Variants in TESC observed in about 807,000 individuals in gnomAD.
The protein encoded by TESC is tescalcin, also known as calcineurin B homologous protein 3.
A neutral mutation model predicts 31.0 loss-of-function variants in TESC; 19 were observed. The observed-to-expected ratio is 0.61, with a 90% CI of 0.43 to 0.90. The LOEUF (loss-of-function observed/expected upper bound fraction) is 0.90, where lower values mean the gene tolerates loss of function less well. Among genes scored for constraint, TESC ranks in the 40% least tolerant of loss-of-function variants. The pLI is 0.00. For missense variants in TESC, 248 were observed against 303.8 expected (o/e 0.82, Z 1.36); for synonymous variants, 109 against 114.8 (o/e 0.95, Z 0.32).
rs184672450 is a variant in TESC at position 117,039,057 on chromosome 12, G to A, written c.*76C>T. 93 of 1,531,412 alleles carry A rather than the reference G, an allele frequency of 6.1e-5. 1 individual carries two copies. Among genetic ancestry groups the A allele is most frequent in the South Asian group, 2.6e-4 (22 of 85,216 alleles). The allele number at this position is 1,531,412 out of a possible 1,614,324, so 94.9% of individuals were successfully genotyped here. A position where few individuals can be genotyped will look rare whatever the true frequency, so the allele number is the denominator to read the frequency against. ...GCGCTGCAGGAAGAGGCTGTCCGCC[G>A]GGCCTGGGCTGCTCCAGCTACGCGG... On this transcript the variant is annotated 3_prime_UTR_variant, in exon 8 of 8. Coordinates refer to ENST00000335209, the MANE Select transcript of TESC (RefSeq NM_017899.4).
chr12:117,055,774 T>C (rs1954714112), intron 3 of TESC, among the ~76,000 whole-genome samples: 1 of 152,212 alleles, frequency 6.6e-6, no homozygotes, highest in South Asian at 2.1e-4. Flanking sequence ...GGTTGAGCCA[T>C]GAGGCAAGAC....
rs377393815 is a variant in TESC at position 117,056,912 on chromosome 12, G to A, written c.129-26C>T. 9.1e-5 allele frequency: 146 copies of A among 1,610,962 alleles called. No individual in the cohort carries two copies. In the African/African-American group the frequency reaches 1.5e-3, roughly 16 times the overall value. ...CTGGTTTCCAAGAAGGAGAGATACC[G>A]GGAAGAGAATAAGGAAAGATAGCAG... On this transcript the variant is annotated intron_variant, in intron 2 of 7. Transcript: ENST00000335209.
intron 2 of TESC, among the ~76,000 whole-genome samples, chr12:117,073,655 G>A (rs774185562): frequency 2.0e-5 from 3 of 152,196 alleles, no homozygotes; most frequent in Non-Finnish European, 4.4e-5. Flanking sequence ...CCAACAAGCT[G>A]TAACCTTGAG....
chr12:117,040,243 C>T (rs117453822), intron 7 of TESC, among the ~76,000 whole-genome samples: 2 of 152,270 alleles, frequency 1.3e-5, no homozygotes, highest in South Asian at 2.1e-4. Context: ...TGGTCCCAGT[C>T]GAGCGGCCCC....
At chr12:117,065,293 G>C (rs1410648582) in intron 2 of TESC, among the ~76,000 whole-genome samples, 2 of 152,166 alleles carry the variant, frequency 1.3e-5, no homozygotes, top group Non-Finnish European at 2.9e-5. Flanking sequence ...GGCAGGGGCT[G>C]GGGGAGCAGA....
At position 117,081,829 on chromosome 12, in the gene TESC, G is replaced by A. The variant is rs369049378; in HGVS notation, c.59-6489C>T. On this transcript the variant is annotated intron_variant, in intron 1 of 7. Coordinates refer to ENST00000335209, the MANE Select transcript of TESC (RefSeq NM_017899.4). ...TGAGGCAGGAGAATCACTTGAACCT[G>A]GGAGGTGGAGGTTGCAGCGAGCCGA... 2.0e-5 allele frequency among the ~76,000 whole-genome samples: 3 copies of A among 152,050 alleles called. No homozygotes were observed. The East Asian group carries it at 5.8e-4, about 29-fold the overall frequency.
Position 117,099,275 on chromosome 12 carries a change from G to C in TESC, c.8C>G (p.Ala3Gly). MG[A>G]AHSASEEVRE... ...CACCTCCTCAGACGCGGAGTGGGCAGCGCCCATGGTGCCCGCGGCGGGGGC... is the reference window on the plus strand; with the variant it reads ...CACCTCCTCAGACGCGGAGTGGGCACCGCCCATGGTGCCCGCGGCGGGGGC... Residue 3 changes from alanine (A) to glycine (G), a missense_variant, in exon 1 of 8, where the codon GCT becomes GGT. Ala to Gly is a moderately conservative substitution (Grantham distance 60). Transcript: ENST00000335209. 1 of 1,452,196 alleles carries C rather than the reference G, an allele frequency of 6.9e-7. No individual in the cohort carries two copies. Among genetic ancestry groups the C allele is most frequent in the Non-Finnish European group, 9.0e-7 (1 of 1,109,090 alleles). The allele number at this position is 1,452,196 out of a possible 1,614,324, so 90.0% of individuals were successfully genotyped here.
chr12:117,077,930 T>C (rs1052243752), intron 1 of TESC, among the ~76,000 whole-genome samples: 1 of 152,100 alleles, frequency 6.6e-6, no homozygotes, highest in African/African-American at 2.4e-5. Context: ...CTGTTCTGGA[T>C]ATGCACTATA....
intron 2 of TESC, among the ~76,000 whole-genome samples, chr12:117,062,806 C>T (rs987394654): frequency 3.9e-5 from 6 of 152,214 alleles, no homozygotes; most frequent in Admixed American, 2.0e-4. Flanking sequence ...CTGGATGAAC[C>T]GGCTTTTCTA....
At chr12:117,091,250 C>T (rs550474649) in intron 1 of TESC, among the ~76,000 whole-genome samples, 1 of 152,298 alleles carries the variant, frequency 6.6e-6, no homozygotes, top group Admixed American at 6.5e-5. Context: ...CCAGCATGGA[C>T]AAAAGAACAA....
chr12:117,075,240 A>C (rs767567709), intron 2 of TESC, 31 bp downstream of exon 2: 2 of 1,610,936 alleles, frequency 1.2e-6, no homozygotes, highest in Non-Finnish European at 1.7e-6. Flanking sequence ...GCATGGCCCC[A>C]CCCAGCACCC....
chr12:117,085,587 G>A (rs185241027), intron 1 of TESC, among the ~76,000 whole-genome samples: 55 of 152,312 alleles, frequency 3.6e-4, no homozygotes, highest in Admixed American at 3.6e-3. Flanking sequence ...GCATCACTGG[G>A]GGGCTCAGTG....
intron 3 of TESC, chr12:117,053,817 C>T (rs1288574567): frequency 6.6e-6 from 1 of 152,546 alleles, no homozygotes; most frequent in East Asian, 1.9e-4. Flanking sequence ...GTCCCCTGTA[C>T]CATCTTCCTG....
At chr12:117,095,448 G>A (rs371935209) in intron 1 of TESC, among the ~76,000 whole-genome samples, 19 of 152,332 alleles carry the variant, frequency 1.2e-4, no homozygotes, top group African/African-American at 4.6e-4. Context: ...AATGAAAACA[G>A]TGCTCCAGGC....
intron 7 of TESC, among the ~76,000 whole-genome samples, chr12:117,040,901 G>A (rs1954473525): frequency 6.6e-6 from 1 of 152,192 alleles, no homozygotes; most frequent in Non-Finnish European, 1.5e-5. Flanking sequence ...CAGAAGCCGT[G>A]ATCCTTCCTT....
At chr12:117,063,174 CAA>C (rs1049989164) in intron 2 of TESC, among the ~76,000 whole-genome samples, 5 of 152,212 alleles carry the variant, frequency 3.3e-5, no homozygotes, top group African/African-American at 1.2e-4. Flanking sequence ...CCCAGAGAGG[CAA>C]AGAGACTAAG....
chr12:117,046,337 G>T, intron 6 of TESC: 1 of 568,162 alleles, frequency 1.8e-6, no homozygotes, highest in Non-Finnish European at 3.1e-6. Flanking sequence ...CAAAGCCTGA[G>T]ATCTCGAACT....
chr12:117,091,625 G>A (rs996666746), intron 1 of TESC, among the ~76,000 whole-genome samples: 1 of 152,156 alleles, frequency 6.6e-6, no homozygotes, highest in Non-Finnish European at 1.5e-5. Flanking sequence ...AAACAGACCT[G>A]AGCCACCCAG....
rs1954571387 is a variant in TESC at position 117,046,793 on chromosome 12, A to G, written c.395T>C (p.Leu132Pro). 6.4e-7 allele frequency: 1 copy of G among 1,567,634 alleles called. No individual in the cohort carries two copies. Among genetic ancestry groups the G allele is most frequent in the Non-Finnish European group, 8.7e-7 (1 of 1,155,528 alleles). Residue 132 changes from leucine to proline, a missense_variant, in exon 5 of 8, where the codon CTG (leucine) becomes CCG (proline). Coordinates refer to ENST00000335209, the MANE Select transcript of TESC (RefSeq NM_017899.4). ...YDSDSDGRIT[L>P]EEYRNVVEEL... Reference sequence around the variant, plus strand: ...ATACTTTACATTTCGATATTCTTCCAGAGTGATGCGGCCGTCGCTGTCCGA... The same window carrying G: ...ATACTTTACATTTCGATATTCTTCCGGAGTGATGCGGCCGTCGCTGTCCGA...
Sources: gnomAD v4.1 joint callset for allele counts (sites outside exome capture counted in the v4.1 genomes callset) on GRCh38, gnomAD v4.1.1 for gene constraint, MANE v1.5 for transcripts, NCBI Gene and HGNC (gene_info 2026-07-23, HGNC 2026-07-21) for gene names.